Variants in MID1 observed in about 807,000 individuals in gnomAD.
The protein encoded by MID1 is midline 1.
Under a neutral mutation model 40.4 loss-of-function variants are expected in MID1, and 7 were observed. That is an observed-to-expected ratio of 0.17 (90% CI 0.10 to 0.33). The LOEUF is 0.33. Among genes scored for constraint, MID1 ranks in the 10% least tolerant of loss-of-function variants. The probability of loss-of-function intolerance (pLI) is 1.00; values close to 1 mark genes in which losing one functional copy is unlikely to be tolerated. For synonymous variants in MID1, 229 were observed against 221.2 expected (o/e 1.04, Z -0.31); for missense variants, 367 against 558.5 (o/e 0.66, Z 3.46).
chrX:10,540,426 G>A (rs1933423482), intron 2 of MID1, among the ~76,000 whole-genome samples: 2 of 111,735 alleles, frequency 1.8e-5, no homozygotes, highest in South Asian at 7.6e-4. Context: ...CCTGCAGAAC[G>A]TCCTGAGGTT....
chrX:10,507,496 GA>G (rs1931903310), intron 3 of MID1, among the ~76,000 whole-genome samples: 1 of 112,474 alleles, frequency 8.9e-6, no homozygotes, highest in Non-Finnish European at 1.9e-5. Context: ...AAAAGCAGAA[GA>G]AAAAAATAGT....
chrX:10,817,512 TTCTCTTTCTTTC>T (rs1271196406), intron 1 of MID1, among the ~76,000 whole-genome samples: 6 of 91,717 alleles, frequency 6.5e-5, no homozygotes, highest in African/African-American at 2.4e-4. Context: ...TTTTCTTTTT[TTCTCTTTCTTTC>T]TTTCTTTCTT....
At chrX:10,726,352 C>A (rs1251198185) in intron 1 of MID1, among the ~76,000 whole-genome samples, 1 of 111,666 alleles carries the variant, frequency 9.0e-6, no homozygotes, top group Non-Finnish European at 1.9e-5. Context: ...AACATTTAAT[C>A]TAAATTATTT....
chrX:10,697,066 C>T (rs1233370613), intron 1 of MID1, among the ~76,000 whole-genome samples: 4 of 111,977 alleles, frequency 3.6e-5, no homozygotes, highest in Non-Finnish European at 5.6e-5. Context: ...TGTAGGAACA[C>T]CTCTAGGACT....
chrX:10,584,548 CAT>C (rs1187439685), intron 1 of MID1, among the ~76,000 whole-genome samples: 1 of 112,270 alleles, frequency 8.9e-6, no homozygotes, highest in Non-Finnish European at 1.9e-5. Context: ...GAAATAAACA[CAT>C]GTGACTACAG....
intron 3 of MID1, among the ~76,000 whole-genome samples, chrX:10,519,726 G>A (rs1229616398): frequency 9.0e-6 from 1 of 111,699 alleles, no homozygotes; most frequent in African/African-American, 3.3e-5. Context: ...CTCAAATGAT[G>A]AACAGCTGGA....
chrX:10,510,708 T>A (rs1254484889), intron 3 of MID1, among the ~76,000 whole-genome samples: 1 of 106,473 alleles, frequency 9.4e-6, no homozygotes, highest in East Asian at 3.0e-4. Context: ...GGTGCACACT[T>A]GTAATCCCAG....
intron 3 of MID1, among the ~76,000 whole-genome samples, chrX:10,516,270 C>A (rs1932401852): frequency 9.8e-6 from 1 of 102,304 alleles, no homozygotes; most frequent in Non-Finnish European, 2.0e-5. Flanking sequence ...TCTCAGCTCA[C>A]TGCAAGCTCT....
chrX:10,488,307 A>G (rs1270231235), intron 4 of MID1, among the ~76,000 whole-genome samples: 1 of 111,213 alleles, frequency 9.0e-6, no homozygotes, highest in African/African-American at 3.3e-5. Context: ...TTGTATGGAC[A>G]TAGCTTTCCT....
chrX:10,507,832 T>C (rs867026753), intron 3 of MID1, among the ~76,000 whole-genome samples: 2 of 112,638 alleles, frequency 1.8e-5, no homozygotes, highest in Admixed American at 9.4e-5. Flanking sequence ...CACATCTTCA[T>C]TCAGTGCTTA....
chrX:10,696,293 A>G (rs1433241580), intron 1 of MID1, among the ~76,000 whole-genome samples: 1 of 111,452 alleles, frequency 9.0e-6, no homozygotes, highest in Non-Finnish European at 1.9e-5. Context: ...GCATGCAGCA[A>G]CTCCCAAATG....
In MID1 at chrX:10,532,738, G is replaced by A. The variant is rs145576092; in HGVS notation, c.661-9551C>T. 5.6e-3 allele frequency among the ~76,000 whole-genome samples: 611 copies of A among 109,167 alleles called. 8 individuals carry two copies. Among genetic ancestry groups the A allele is most frequent in the African/African-American group, 0.019 (579 of 30,141 alleles). 94.8% of individuals were successfully genotyped at this position (109,167 alleles called of 115,157 possible). A position where few individuals can be genotyped will look rare whatever the true frequency, so the allele number is the denominator to read the frequency against. On this transcript the variant is annotated intron_variant, in intron 2 of 9. Transcript: ENST00000317552. The stretch of plus-strand genomic sequence containing the variant: ...GTCCACTGGTCAAACCTTGCGTGCC[G>A]CCTGTTTTTGTGTGGCTTGTTAGCT...
At chrX:10,773,956 C>A (rs754630758) in intron 1 of MID1, among the ~76,000 whole-genome samples, 1 of 112,163 alleles carries the variant, frequency 8.9e-6, no homozygotes, top group African/African-American at 3.2e-5. Flanking sequence ...GAGCATTCGT[C>A]TTTGGGAAGA....
chrX:10,513,974 T>G (rs1569078130), intron 3 of MID1, among the ~76,000 whole-genome samples: 1 of 112,359 alleles, frequency 8.9e-6, no homozygotes, highest in Non-Finnish European at 1.9e-5. Flanking sequence ...ATTCTTGTAT[T>G]GTGTGGAGGG....
intron 1 of MID1, among the ~76,000 whole-genome samples, chrX:10,662,750 G>A (rs1231529712): frequency 9.0e-6 from 1 of 111,348 alleles, no homozygotes; most frequent in Non-Finnish European, 1.9e-5. Context: ...ATAATTCTAC[G>A]AGCTTGCTAG....
chrX:10,563,090 C>T (rs2147459742), intron 2 of MID1, among the ~76,000 whole-genome samples: 1 of 111,766 alleles, frequency 8.9e-6, no homozygotes, highest in East Asian at 2.8e-4. Context: ...TAGAACCTTA[C>T]AATCTATAAA....
At chrX:10,577,360 T>C (rs1934899107) in intron 1 of MID1, among the ~76,000 whole-genome samples, 1 of 111,940 alleles carries the variant, frequency 8.9e-6, no homozygotes, top group South Asian at 3.7e-4. Context: ...CACATTATGC[T>C]CTGCATGCTG....
At chrX:10,633,492 G>C (rs1284687618) in intron 1 of MID1, among the ~76,000 whole-genome samples, 1 of 110,672 alleles carries the variant, frequency 9.0e-6, no homozygotes, top group Non-Finnish European at 1.9e-5. Flanking sequence ...CTGTTGCCCA[G>C]GCTAGAGTGC....
chrX:10,515,789 C>T (rs1298551310), intron 3 of MID1, among the ~76,000 whole-genome samples: 2 of 112,076 alleles, frequency 1.8e-5, no homozygotes, highest in Non-Finnish European at 3.8e-5. Context: ...CCAAAACGAA[C>T]ATCTATTAAG....
Sources: gnomAD v4.1 joint callset for allele counts (sites outside exome capture counted in the v4.1 genomes callset) on GRCh38, gnomAD v4.1.1 for gene constraint, MANE v1.5 for transcripts, NCBI Gene and HGNC (gene_info 2026-07-23, HGNC 2026-07-21) for gene names.